Variants in NUCKS1 observed in about 807,000 individuals in gnomAD.
The protein encoded by NUCKS1 is nuclear casein kinase and cyclin dependent kinase substrate 1, also known as nuclear ubiquitous casein and cyclin-dependent kinase substrate 1.
In NUCKS1, 2 loss-of-function variants were observed where a neutral mutation model predicts 33.0. The observed-to-expected ratio is 0.06, with a 90% CI of 0.02 to 0.19. NUCKS1 has a LOEUF of 0.19. Among genes scored for constraint, NUCKS1 ranks in the 10% least tolerant of loss-of-function variants. The pLI is 1.00. For synonymous variants in NUCKS1, 106 were observed against 102.8 expected (o/e 1.03, Z -0.19); for missense variants, 201 against 293.6 (o/e 0.68, Z 2.31).
chr1:205,747,670 A>G (rs1654365085), intron 1 of NUCKS1, among the ~76,000 whole-genome samples: 1 of 152,270 alleles, frequency 6.6e-6, no homozygotes, highest in Non-Finnish European at 1.5e-5. Context: ...CGACACAGTG[A>G]CAATATTTTC....
rs909770522 is a variant in NUCKS1, at chr1:205,717,366, T to C, written c.*914A>G. 5.1e-6 allele frequency: 5 copies of C among 986,412 alleles called. No individual in the cohort carries two copies. The African/African-American group carries it at 5.2e-5, about 10-fold the overall frequency. The allele number at this position is 986,412 out of a possible 1,614,324, so 61.1% of individuals were successfully genotyped here. On this transcript the variant is annotated 3_prime_UTR_variant, in exon 7 of 7. Transcript: ENST00000367142. ...TTGAAAAGAAATCCACTGTGACCTGTAGACTGATCTTGTTGATTAAATTCT... is the reference window on the plus strand; with the variant it reads ...TTGAAAAGAAATCCACTGTGACCTGCAGACTGATCTTGTTGATTAAATTCT...
In NUCKS1 at chr1:205,727,822, A is replaced by G; in HGVS notation, c.68-17T>C. On this transcript the variant is annotated splice_polypyrimidine_tract_variant and intron_variant, in intron 2 of 6. Transcript: ENST00000367142. ...AATCTTCATCTAAACAGTGTTTTTC[A>G]AACTTAATTAACTATGATTTTTACA... The G allele has an allele frequency of 6.7e-7, 1 of 1,494,682 alleles. No individual in the cohort carries two copies. Among genetic ancestry groups the G allele is most frequent in the South Asian group, 1.1e-5 (1 of 88,204 alleles). The allele number at this position is 1,494,682 out of a possible 1,614,324, so 92.6% of individuals were successfully genotyped here.
chr1:205,745,798 G>A (rs1654305982), intron 1 of NUCKS1, among the ~76,000 whole-genome samples: 1 of 152,144 alleles, frequency 6.6e-6, no homozygotes, highest in Non-Finnish European at 1.5e-5. Context: ...ATGTTACATG[G>A]TGATAAAGAA....
intron 1 of NUCKS1, among the ~76,000 whole-genome samples, chr1:205,730,874 T>C (rs888268776): frequency 6.6e-6 from 1 of 152,222 alleles, no homozygotes; most frequent in African/African-American, 2.4e-5. Context: ...CATGTACCTA[T>C]GTATTCATTA....
chr1:205,750,015 A>AGGGGGGGGGGGGGGG lies in NUCKS1; in HGVS notation c.-43_-42insCCCCCCCCCCCCCCC. 6.6e-7 allele frequency: 1 copy of AGGGGGGGGGGGGGGG among 1,506,258 alleles called. No homozygotes were observed. The highest frequency in any genetic ancestry group is 9.0e-7 in the Non-Finnish European group (1 of 1,114,410). The allele number at this position is 1,506,258 out of a possible 1,614,324, so 93.3% of individuals were successfully genotyped here. On this transcript the variant is annotated 5_prime_UTR_variant, in exon 1 of 7. Coordinates refer to ENST00000367142, the MANE Select transcript of NUCKS1 (RefSeq NM_022731.5). ...GGACCGAGTCGAGAAGCCAAAGACC[A>AGGGGGGGGGGGGGGG]GGACCCCCCCCACCCCGCGCGCTCG...
chr1:205,746,105 G>A (rs1462899255), intron 1 of NUCKS1, among the ~76,000 whole-genome samples: 1 of 152,054 alleles, frequency 6.6e-6, no homozygotes, highest in African/African-American at 2.4e-5. Context: ...AGACCAGCCT[G>A]GCCAACATGG....
chr1:205,718,958 T>A (rs1671875218), intron 6 of NUCKS1, among the ~76,000 whole-genome samples: 2 of 152,232 alleles, frequency 1.3e-5, no homozygotes, highest in Non-Finnish European at 2.9e-5. Flanking sequence ...CAATGACTAG[T>A]TCTACCTAAC....
Position 205,750,014 on chromosome 1 carries a change from C to CCGGGGGG in NUCKS1, c.-42_-41insCCCCCCG. 2.5e-6 allele frequency: 4 copies of CCGGGGGG among 1,568,860 alleles called. No individual in the cohort carries two copies. The highest frequency in any genetic ancestry group is 3.5e-6 in the Non-Finnish European group (4 of 1,154,134). ...AGGACCGAGTCGAGAAGCCAAAGAC[C>CCGGGGGG]AGGACCCCCCCCACCCCGCGCGCTC... On this transcript the variant is annotated 5_prime_UTR_variant, in exon 1 of 7. Transcript: ENST00000367142.
chr1:205,726,197 C>G (rs981521844), intron 3 of NUCKS1, among the ~76,000 whole-genome samples: 16 of 151,966 alleles, frequency 1.1e-4, no homozygotes, highest in African/African-American at 2.4e-5. Flanking sequence ...GAGACTGCCT[C>G]AAAAAACAAA....
chr1:205,730,080 GTGTCACTC>G (rs1391453794), intron 1 of NUCKS1, among the ~76,000 whole-genome samples: 2 of 152,002 alleles, frequency 1.3e-5, no homozygotes, highest in African/African-American at 2.4e-5. Flanking sequence ...TTGAGACAGG[GTGTCACTC>G]TGTCGCCTAG....
rs1338640022 is a variant in NUCKS1 at position 205,718,567 on chromosome 1, T to A, written c.533-88A>T. 4 of 1,553,468 alleles carry A rather than the reference T, an allele frequency of 2.6e-6. No homozygotes were observed. The East Asian group carries it at 9.0e-5, about 35-fold the overall frequency. ...TACAAAATACAACAATCTGTAAGAA[T>A]AAAATCTATAAAGACAATATGCAAC... On this transcript the variant is annotated intron_variant, in intron 6 of 6. Transcript: ENST00000367142.
chr1:205,727,939 T>A, intron 2 of NUCKS1, 134 bp from the exon 3 acceptor site: 1 of 680,694 alleles, frequency 1.5e-6, no homozygotes, highest in African/African-American at 1.8e-5. Flanking sequence ...GTTTCTTTCA[T>A]CTTTAAAAAA....
chr1:205,747,689 G>A (rs1654365473), intron 1 of NUCKS1, among the ~76,000 whole-genome samples: 1 of 152,154 alleles, frequency 6.6e-6, no homozygotes, highest in Non-Finnish European at 1.5e-5. Context: ...TCCAACTTGT[G>A]CTTTTTTGTT....
chr1:205,730,493 CTT>C (rs869264716), intron 1 of NUCKS1, among the ~76,000 whole-genome samples: 13 of 145,386 alleles, frequency 8.9e-5, no homozygotes, highest in Non-Finnish European at 1.1e-4. Context: ...TTTTCTCTCT[CTT>C]TTTTTTTTTT....
intron 1 of NUCKS1, among the ~76,000 whole-genome samples, chr1:205,732,055 G>T (rs1206125121): frequency 6.6e-6 from 1 of 152,126 alleles, no homozygotes; most frequent in Admixed American, 6.5e-5. Context: ...AGTATGTGGA[G>T]ATGGTATGGA....
chr1:205,718,717 T>C (rs1671870732), intron 6 of NUCKS1, among the ~76,000 whole-genome samples: 1 of 152,164 alleles, frequency 6.6e-6, no homozygotes, highest in African/African-American at 2.4e-5. Context: ...TTACCAACAC[T>C]CTATGATGTT....
chr1:205,746,164 T>G (rs1654318162), intron 1 of NUCKS1, among the ~76,000 whole-genome samples: 1 of 151,948 alleles, frequency 6.6e-6, no homozygotes, highest in South Asian at 2.1e-4. Flanking sequence ...GGTGTGGTAG[T>G]GGGCACCTGT....
At chr1:205,741,069 C>A (rs1328631558) in intron 1 of NUCKS1, among the ~76,000 whole-genome samples, 1 of 151,208 alleles carries the variant, frequency 6.6e-6, no homozygotes, top group Admixed American at 6.6e-5. Flanking sequence ...GAGGCCGAGG[C>A]GGGCGGATCA....
At chr1:205,736,079 G>A (rs943049043) in intron 1 of NUCKS1, among the ~76,000 whole-genome samples, 3 of 152,030 alleles carry the variant, frequency 2.0e-5, no homozygotes, top group Non-Finnish European at 4.4e-5. Flanking sequence ...AGCCTCCTGG[G>A]GAGTTGAGAT....
Sources: gnomAD v4.1 joint callset for allele counts (sites outside exome capture counted in the v4.1 genomes callset) on GRCh38, gnomAD v4.1.1 for gene constraint, MANE v1.5 for transcripts, NCBI Gene and HGNC (gene_info 2026-07-23, HGNC 2026-07-21) for gene names.